Variants in ARHGAP18 observed in about 807,000 individuals in gnomAD.
ARHGAP18 encodes the protein Rho GTPase activating protein 18, also known as rho GTPase-activating protein 18.
A neutral mutation model predicts 86.2 loss-of-function variants in ARHGAP18; 67 were observed. The ratio of observed to expected loss-of-function variants is 0.78; its 90% confidence interval spans 0.64 to 0.95. The LOEUF is 0.95. ARHGAP18 is among the 40% of genes least tolerant of loss of function. The pLI, the probability that ARHGAP18 is intolerant of heterozygous loss-of-function variation, is 0.00. For missense variants in ARHGAP18, 691 were observed against 780.4 expected (o/e 0.89, Z 1.37); for synonymous variants, 283 against 280.4 (o/e 1.01, Z -0.09).
chr6:129,602,535 A>G (rs991948736), intron 10 of ARHGAP18, among the ~76,000 whole-genome samples: 1 of 152,212 alleles, frequency 6.6e-6, no homozygotes, highest in Non-Finnish European at 1.5e-5. Flanking sequence ...TTGCTTTTGA[A>G]TCAAGTATAA....
chr6:129,625,927 T>A (rs1186144876), intron 5 of ARHGAP18, among the ~76,000 whole-genome samples: 1 of 101,460 alleles, frequency 9.9e-6, no homozygotes, highest in Non-Finnish European at 1.8e-5. Context: ...TATAGATATT[T>A]ATATATTATA....
chr6:129,607,063 T>C (rs977304640), intron 9 of ARHGAP18, among the ~76,000 whole-genome samples: 1 of 152,092 alleles, frequency 6.6e-6, no homozygotes, highest in African/African-American at 2.4e-5. Flanking sequence ...TTTCACCATA[T>C]TGGCCAGGTT....
chr6:129,623,240 T>C (rs924725619), intron 5 of ARHGAP18, among the ~76,000 whole-genome samples: 1 of 152,066 alleles, frequency 6.6e-6, no homozygotes, highest in African/African-American at 2.4e-5. Flanking sequence ...AGAGAAAGGA[T>C]TCAAAAGCTT....
intron 1 of ARHGAP18, among the ~76,000 whole-genome samples, chr6:129,644,557 T>C (rs1483279332): frequency 6.6e-6 from 1 of 151,890 alleles, no homozygotes; most frequent in Admixed American, 6.6e-5. Context: ...TTCTCTCTCA[T>C]AGTGTGAAAT....
intron 1 of ARHGAP18, among the ~76,000 whole-genome samples, chr6:129,698,746 G>A (rs1301702839): frequency 7.0e-6 from 1 of 143,256 alleles, no homozygotes; most frequent in Non-Finnish European, 1.5e-5. Flanking sequence ...CCAAGCTGGA[G>A]TGCAATGGCA....
At chr6:129,685,466 C>G (rs2114541237) in intron 1 of ARHGAP18, among the ~76,000 whole-genome samples, 1 of 151,930 alleles carries the variant, frequency 6.6e-6, no homozygotes, top group Middle Eastern at 3.4e-3. Context: ...GAGATCACAC[C>G]ACTGCACTCC....
At chr6:129,601,399 G>A (rs192700292) in intron 10 of ARHGAP18, among the ~76,000 whole-genome samples, 229 of 152,120 alleles carry the variant, frequency 1.5e-3, no homozygotes, top group African/African-American at 2.1e-3. Flanking sequence ...GTCCCAGATC[G>A]GTGGGAGGAT....
intron 2 of ARHGAP18, 130 bp from the exon 3 acceptor site, chr6:129,638,759 A>G: frequency 1.2e-6 from 1 of 819,808 alleles, no homozygotes; most frequent in Admixed American, 2.9e-5. Context: ...TCATTATCTA[A>G]AACTTGGACA....
chr6:129,656,262 A>G (rs2114514299), intron 1 of ARHGAP18, among the ~76,000 whole-genome samples: 1 of 152,378 alleles, frequency 6.6e-6, no homozygotes, highest in East Asian at 1.9e-4. Context: ...TTCACACCAT[A>G]TGAGTGGGAC....
At chr6:129,648,792 AAAGAAC>A (rs1773636972) in intron 1 of ARHGAP18, among the ~76,000 whole-genome samples, 1 of 152,132 alleles carries the variant, frequency 6.6e-6, no homozygotes, top group African/African-American at 2.4e-5. Context: ...CAGCGATATT[AAAGAAC>A]TACTGTAATC....
At chr6:129,670,576 GAGA>G (rs1774124455) in intron 1 of ARHGAP18, among the ~76,000 whole-genome samples, 2 of 152,134 alleles carry the variant, frequency 1.3e-5, no homozygotes, top group Non-Finnish European at 2.9e-5. Flanking sequence ...ACTGCCTGAA[GAGA>G]AGGCTACGTT....
At chr6:129,645,196 T>G (rs1001807382) in intron 1 of ARHGAP18, among the ~76,000 whole-genome samples, 1 of 152,202 alleles carries the variant, frequency 6.6e-6, no homozygotes, top group Non-Finnish European at 1.5e-5. Context: ...TCAATGAACA[T>G]GTTGTGTTAC....
intron 14 of ARHGAP18, among the ~76,000 whole-genome samples, 171 bp from the exon 15 acceptor site, chr6:129,578,775 G>A (rs1305733771): frequency 6.6e-6 from 1 of 151,998 alleles, no homozygotes; most frequent in East Asian, 1.9e-4. Context: ...GCCAGCCTGG[G>A]CAACATAATG....
intron 12 of ARHGAP18, among the ~76,000 whole-genome samples, chr6:129,588,558 C>T (rs6569612): frequency 0.25 from 37,935 of 152,202 alleles, 6,856 homozygotes; most frequent in African/African-American, 0.49. Flanking sequence ...CTCCCGGCTG[C>T]TTTCACAGGC....
At chr6:129,590,928 C>A (rs79399919) in intron 12 of ARHGAP18, among the ~76,000 whole-genome samples, 1,655 of 152,218 alleles carry the variant, frequency 0.011, 19 homozygotes, top group East Asian at 0.07. Context: ...TATGGATATA[C>A]AATGCTCTTT....
intron 1 of ARHGAP18, among the ~76,000 whole-genome samples, chr6:129,677,099 G>A (rs1214518915): frequency 2.6e-5 from 4 of 151,858 alleles, no homozygotes; most frequent in African/African-American, 9.7e-5. Context: ...TAAATAAAAA[G>A]TTGCTTATGT....
chr6:129,610,833 T>C (rs944306007), intron 8 of ARHGAP18, among the ~76,000 whole-genome samples: 1 of 152,174 alleles, frequency 6.6e-6, no homozygotes, highest in Non-Finnish European at 1.5e-5. Context: ...TTCACTATTT[T>C]GGCCAGGCTG....
chr6:129,632,913 C>A (rs573160331), intron 4 of ARHGAP18, among the ~76,000 whole-genome samples: 53 of 152,246 alleles, frequency 3.5e-4, no homozygotes, highest in African/African-American at 1.3e-3. Flanking sequence ...CCTCCCACTA[C>A]TACTTCCAAA....
chr6:129,602,987 T>TTATATATATATATA lies in ARHGAP18; in HGVS notation c.1366-2153_1366-2140dup, dbSNP rs34563210. 5.3e-3 allele frequency among the ~76,000 whole-genome samples: 783 copies of TTATATATATATATA among 146,776 alleles called. 4 individuals carry two copies. The highest frequency in any genetic ancestry group is 0.023 in the South Asian group (106 of 4,590). On this transcript the variant is annotated intron_variant, in intron 10 of 14. Coordinates refer to ENST00000368149, the MANE Select transcript of ARHGAP18 (RefSeq NM_033515.3). ...TATCTGAACCTTCAGAATTTCCCCTTTATATATATATATATATAATTTCAA... is the reference window on the plus strand; with the variant it reads ...TATCTGAACCTTCAGAATTTCCCCTTTATATATATATATATATATATATATATATATAATTTCAA...
Sources: allele counts gnomAD v4.1 joint callset (sites outside exome capture counted in the v4.1 genomes callset), GRCh38; gene constraint gnomAD v4.1.1; transcripts MANE v1.5; gene names NCBI Gene and HGNC (gene_info 2026-07-23, HGNC 2026-07-21).